NCAM2: variants seen among roughly 807,000 people sequenced by gnomAD.
NCAM2 encodes neural cell adhesion molecule 2.
NCAM2 carries 30 observed loss-of-function variants against 98.1 expected under a neutral mutation model. The observed-to-expected ratio is 0.31, with a 90% CI of 0.23 to 0.41. The LOEUF (loss-of-function observed/expected upper bound fraction) is 0.41, where lower values mean the gene tolerates loss of function less well. Among genes scored for constraint, NCAM2 ranks in the 10% least tolerant of loss-of-function variants. The pLI is 1.00. For synonymous variants in NCAM2, 368 were observed against 342.4 expected (o/e 1.07, Z -0.83); for missense variants, 867 against 1,005.8 (o/e 0.86, Z 1.87).
intron 9 of NCAM2, among the ~76,000 whole-genome samples, chr21:21,380,406 G>A (rs943020567): frequency 2.0e-5 from 3 of 152,276 alleles, no homozygotes; most frequent in Admixed American, 2.0e-4. Context: ...TGTTGCTGCT[G>A]TAATCAATTA....
intron 9 of NCAM2, among the ~76,000 whole-genome samples, chr21:21,378,965 G>GT (rs986146859): frequency 2.6e-5 from 4 of 151,814 alleles, no homozygotes; most frequent in African/African-American, 7.2e-5. Context: ...TACGGTTCGT[G>GT]TTTTTTCTGA....
chr21:21,149,703 T>C (rs1484493079), intron 1 of NCAM2, among the ~76,000 whole-genome samples: 1 of 152,148 alleles, frequency 6.6e-6, no homozygotes, highest in Non-Finnish European at 1.5e-5. Flanking sequence ...CTGAAAATGA[T>C]GGCTTCCAGC....
intron 3 of NCAM2, 58 bp downstream of exon 3, chr21:21,284,458 G>A (rs565604069): frequency 2.5e-5 from 32 of 1,303,106 alleles, no homozygotes; most frequent in Admixed American, 2.1e-4. Flanking sequence ...ATAAATAACC[G>A]AAAAAATAAA....
chr21:21,348,711 C>T (rs2075255011), intron 8 of NCAM2, among the ~76,000 whole-genome samples: 4 of 152,084 alleles, frequency 2.6e-5, no homozygotes, highest in Non-Finnish European at 5.9e-5. Context: ...TTAACCAAAA[C>T]ATCATGATAC....
intron 8 of NCAM2, among the ~76,000 whole-genome samples, chr21:21,345,588 A>G (rs572802913): frequency 1.3e-5 from 2 of 152,148 alleles, no homozygotes; most frequent in East Asian, 3.9e-4. Context: ...AGAAAAAAAG[A>G]ATAAAAAAAA....
At chr21:21,436,457 G>A (rs992821868) in intron 12 of NCAM2, among the ~76,000 whole-genome samples, 1 of 152,176 alleles carries the variant, frequency 6.6e-6, no homozygotes, top group Non-Finnish European at 1.5e-5. Context: ...AAGTGGCACT[G>A]TATTTCAGAT....
At chr21:21,231,648 AAATTTCCATCGG>A (rs2070632100) in intron 1 of NCAM2, among the ~76,000 whole-genome samples, 1 of 151,494 alleles carries the variant, frequency 6.6e-6, no homozygotes, top group African/African-American at 2.4e-5. Flanking sequence ...AACCTTGTAA[AAATTTCCATCGG>A]AGTAAATATT....
At chr21:21,059,183 A>T (rs1405020102) in intron 1 of NCAM2, among the ~76,000 whole-genome samples, 1 of 151,992 alleles carries the variant, frequency 6.6e-6, no homozygotes, top group Admixed American at 6.6e-5. Context: ...TTCAGTGTAC[A>T]GTATTTGAGA....
chr21:21,334,301 C>T (rs1228278418), intron 6 of NCAM2, among the ~76,000 whole-genome samples: 1 of 152,056 alleles, frequency 6.6e-6, no homozygotes, highest in Non-Finnish European at 1.5e-5. Context: ...TTGTGTACTT[C>T]ATGGTACATT....
intron 12 of NCAM2, among the ~76,000 whole-genome samples, chr21:21,450,528 C>T (rs753498858): frequency 1.3e-5 from 2 of 151,920 alleles, no homozygotes; most frequent in South Asian, 2.1e-4. Context: ...AGAGGTCTTG[C>T]TGTGTTGCTC....
chr21:21,227,706 G>A (rs2070444896), intron 1 of NCAM2, among the ~76,000 whole-genome samples: 1 of 151,746 alleles, frequency 6.6e-6, no homozygotes. Flanking sequence ...TTAATTTCTT[G>A]TTAGCATTTT....
intron 12 of NCAM2, among the ~76,000 whole-genome samples, chr21:21,454,244 C>CA (rs113417531): frequency 0.21 from 31,641 of 151,890 alleles, 3,508 homozygotes; most frequent in African/African-American, 0.28. Context: ...AATATAATCA[C>CA]AAAAATTCTT....
At chr21:21,324,341 G>A in intron 5 of NCAM2, 42 bp from the exon 6 acceptor site, 3 of 1,403,996 alleles carry the variant, frequency 2.1e-6, no homozygotes, top group Admixed American at 1.8e-5. Flanking sequence ...GGTAGTGAAG[G>A]TGTTTTCGTC....
At chr21:21,525,990 A>G (rs1989299699) in intron 16 of NCAM2, among the ~76,000 whole-genome samples, 1 of 152,064 alleles carries the variant, frequency 6.6e-6, no homozygotes, top group African/African-American at 2.4e-5. Flanking sequence ...TGAGGGGTGG[A>G]CCTTCCTTAA....
At chr21:21,357,485 T>C (rs2075521660) in intron 8 of NCAM2, among the ~76,000 whole-genome samples, 1 of 152,148 alleles carries the variant, frequency 6.6e-6, no homozygotes, top group Non-Finnish European at 1.5e-5. Flanking sequence ...TCCATAATTA[T>C]TGATTTAAAA....
chr21:21,236,079 C>T (rs2070808862), intron 1 of NCAM2, among the ~76,000 whole-genome samples: 2 of 151,400 alleles, frequency 1.3e-5, no homozygotes, highest in South Asian at 2.1e-4. Context: ...GAATAATGTT[C>T]CTCTCTCTTG....
At position 21,504,305 on chromosome 21, in the gene NCAM2, ATTGT is replaced by A. The variant is rs1987831044; in HGVS notation, c.2078-4543_2078-4540del. Reference sequence around the variant, plus strand: ...TTTTATGTAAATTAGAACTGATAATATTGTTTTCCTACCTTATAAAGTTACCATA... The same window carrying A: ...TTTTATGTAAATTAGAACTGATAATATTTCCTACCTTATAAAGTTACCATA... On this transcript the variant is annotated intron_variant, in intron 15 of 17. Transcript: ENST00000400546. 2.0e-5 allele frequency among the ~76,000 whole-genome samples: 3 copies of A among 151,916 alleles called. 1 individual carries two copies. The South Asian group carries it at 6.2e-4, about 31-fold the overall frequency.
intron 1 of NCAM2, among the ~76,000 whole-genome samples, chr21:21,227,398 TAA>T (rs1486607971): frequency 6.6e-6 from 1 of 151,748 alleles, no homozygotes; most frequent in East Asian, 1.9e-4. Context: ...GTTGTAAATA[TAA>T]GTCATGTAAA....
intron 8 of NCAM2, among the ~76,000 whole-genome samples, chr21:21,342,866 A>C (rs2075081924): frequency 6.6e-6 from 1 of 152,128 alleles, no homozygotes; most frequent in Non-Finnish European, 1.5e-5. Flanking sequence ...CCAGGCTTGT[A>C]GATGAGGAAA....
Sources: allele counts gnomAD v4.1 joint callset (sites outside exome capture counted in the v4.1 genomes callset), GRCh38; gene constraint gnomAD v4.1.1; transcripts MANE v1.5; gene names NCBI Gene and HGNC (gene_info 2026-07-23, HGNC 2026-07-21).